Variants in GSR observed in about 807,000 individuals in gnomAD.
The protein encoded by GSR is glutathione reductase, mitochondrial.
Under a neutral mutation model 56.5 loss-of-function variants are expected in GSR, and 48 were observed. The ratio of observed to expected loss-of-function variants is 0.85; its 90% CI spans 0.67 to 1.08. The LOEUF (loss-of-function observed/expected upper bound fraction) is 1.08, where lower values mean the gene tolerates loss of function less well. Among genes scored for constraint, GSR ranks in the 50% least tolerant of loss-of-function variants. GSR has a pLI of 0.00. For missense variants in GSR, 694 were observed against 703.3 expected (o/e 0.99, Z 0.15); for synonymous variants, 264 against 270.8 (o/e 0.97, Z 0.25).
intron 12 of GSR, 94 bp from the exon 13 acceptor site, chr8:30,679,763 T>C (rs1396522058): frequency 8.7e-7 from 1 of 1,149,706 alleles, no homozygotes; most frequent in Non-Finnish European, 1.3e-6. Flanking sequence ...TGGAGTGCAA[T>C]GGCATGATCT....
At position 30,702,342 on chromosome 8, in the gene GSR, A is replaced by AATAT. The variant is rs565385364; in HGVS notation, c.640+750_640+751insATAT. 9.1e-4 allele frequency among the ~76,000 whole-genome samples: 139 copies of AATAT among 152,036 alleles called. 4 individuals are homozygous for AATAT. The South Asian group carries it at 0.028, about 31-fold the overall frequency. ...CTCTAAATAAATAAATAAATAAATA[A>AATAT]ATAATAAAATAAAATGCAAAAGAAG... On this transcript the variant is annotated intron_variant, in intron 5 of 12. Coordinates refer to ENST00000221130, the MANE Select transcript of GSR (RefSeq NM_000637.5).
intron 1 of GSR, among the ~76,000 whole-genome samples, chr8:30,725,836 T>C (rs1804704281): frequency 1.4e-5 from 2 of 144,300 alleles, no homozygotes; most frequent in Non-Finnish European, 3.0e-5. Flanking sequence ...GAGCCCAGAT[T>C]GCACCACTGT....
intron 1 of GSR, among the ~76,000 whole-genome samples, chr8:30,723,186 T>A (rs1168004356): frequency 6.6e-6 from 1 of 152,094 alleles, no homozygotes; most frequent in Non-Finnish European, 1.5e-5. Context: ...GACTCTCCCA[T>A]CACGTGTGTA....
intron 12 of GSR, among the ~76,000 whole-genome samples, chr8:30,680,033 A>T (rs562069957): frequency 6.6e-6 from 1 of 152,074 alleles, no homozygotes; most frequent in South Asian, 2.1e-4. Context: ...GAACTTATAA[A>T]GAGCCTCTGG....
chr8:30,697,281 G>A (rs1052824849), intron 6 of GSR, among the ~76,000 whole-genome samples: 10 of 152,044 alleles, frequency 6.6e-5, no homozygotes, highest in Non-Finnish European at 1.3e-4. Flanking sequence ...AGGTGCAGTG[G>A]TGTGTGCCTG....
intron 10 of GSR, 43 bp downstream of exon 10, chr8:30,684,045 T>G: frequency 5.1e-6 from 5 of 988,696 alleles, no homozygotes; most frequent in Non-Finnish European, 4.9e-6. Flanking sequence ...ATGGATCATG[T>G]AACACGCAGA....
intron 1 of GSR, 111 bp downstream of exon 1, chr8:30,727,419 A>T: frequency 9.3e-7 from 1 of 1,078,236 alleles, no homozygotes; most frequent in Non-Finnish European, 1.3e-6. Context: ...GGTGGAAAAG[A>T]GGAAAGCCCA....
chr8:30,725,536 G>A (rs1266842912), intron 1 of GSR, among the ~76,000 whole-genome samples: 1 of 151,286 alleles, frequency 6.6e-6, no homozygotes, highest in African/African-American at 2.4e-5. Flanking sequence ...CTCCAGCCTG[G>A]GTGACAGAGC....
chr8:30,726,890 C>T (rs1321281795), intron 1 of GSR: 1 of 152,208 alleles, frequency 6.6e-6, no homozygotes. Flanking sequence ...TCTGAGAACT[C>T]ACCTACTCAA....
chr8:30,685,823 A>G (rs754758071), intron 9 of GSR, among the ~76,000 whole-genome samples: 1 of 151,896 alleles, frequency 6.6e-6, no homozygotes, highest in African/African-American at 2.4e-5. Context: ...TAAAAATACT[A>G]AAAATTCGCC....
intron 5 of GSR, 136 bp downstream of exon 5, chr8:30,702,957 T>G: frequency 2.2e-6 from 2 of 899,644 alleles, no homozygotes; most frequent in Non-Finnish European, 3.7e-6. Context: ...TGGAGTTAGG[T>G]TCTGCAGAGA....
Position 30,679,261 on chromosome 8 carries a change from G to T in GSR, c.*259C>A. 2.1e-6 allele frequency: 1 copy of T among 475,572 alleles called. No homozygotes were observed. Among genetic ancestry groups the T allele is most frequent in the Non-Finnish European group, 3.7e-6 (1 of 266,858 alleles). 29.5% of individuals were successfully genotyped at this position (475,572 alleles called of 1,614,324 possible). On this transcript the variant is annotated 3_prime_UTR_variant, in exon 13 of 13. Transcript: ENST00000221130. The stretch of plus-strand genomic sequence containing the variant: ...AGGCTAAAACAGAAAAAAAAAACTA[G>T]CACAGAGCTGTTAATAAAAAAAAAA...
Position 30,703,097 on chromosome 8 carries a change from G to T in GSR, c.636C>A (p.Ile212=), listed in dbSNP as rs1015098073. Reference sequence around the variant, plus strand: ...AGTACCTGTTGTATGACTCACCGGGGATCTGGCTCTCATGAGGGGTGGAGG... The same window carrying T: ...AGTACCTGTTGTATGACTCACCGGGTATCTGGCTCTCATGAGGGGTGGAGG... ...GMPSTPHESQ[I]PGASLGITSD... is the part of the protein sequence containing the mutation. Residue 212 remains isoleucine (I), a synonymous_variant, in exon 5 of 13, where the codon ATC becomes ATA. Coordinates refer to ENST00000221130, the MANE Select transcript of GSR (RefSeq NM_000637.5). 14 of 1,613,918 alleles carry T rather than the reference G, an allele frequency of 8.7e-6. No homozygotes were observed. Among genetic ancestry groups the T allele is most frequent in the Non-Finnish European group, 1.1e-5 (13 of 1,179,938 alleles).
At chr8:30,717,288 A>G (rs1271856064) in intron 1 of GSR, among the ~76,000 whole-genome samples, 1 of 151,914 alleles carries the variant, frequency 6.6e-6, no homozygotes, top group Non-Finnish European at 1.5e-5. Context: ...GGGTCTTACT[A>G]TGTTGCGCAG....
chr8:30,712,290 C>T (rs1248461020), intron 1 of GSR, among the ~76,000 whole-genome samples: 1 of 152,128 alleles, frequency 6.6e-6, no homozygotes, highest in Admixed American at 6.6e-5. Context: ...GAAGTTCATT[C>T]ATCAGCATTT....
intron 5 of GSR, among the ~76,000 whole-genome samples, chr8:30,701,209 T>C (rs907817260): frequency 1.3e-5 from 2 of 152,134 alleles, no homozygotes; most frequent in Non-Finnish European, 2.9e-5. Flanking sequence ...CTCACACCTA[T>C]AATCCCAGCA....
intron 6 of GSR, among the ~76,000 whole-genome samples, 155 bp from the exon 7 acceptor site, chr8:30,696,634 CT>C (rs1212970250): frequency 6.6e-6 from 1 of 152,126 alleles, no homozygotes; most frequent in Non-Finnish European, 1.5e-5. Context: ...ATTAGGATAC[CT>C]TTGTCAAAAT....
At chr8:30,713,466 C>T (rs1804222585) in intron 1 of GSR, among the ~76,000 whole-genome samples, 1 of 152,040 alleles carries the variant, frequency 6.6e-6, no homozygotes, top group African/African-American at 2.4e-5. Flanking sequence ...TCAAGCAATT[C>T]TCATGCCTCA....
At chr8:30,727,499 C>G in intron 1 of GSR, 31 bp downstream of exon 1, 1 of 1,524,990 alleles carries the variant, frequency 6.6e-7, no homozygotes, top group Non-Finnish European at 8.8e-7. Flanking sequence ...CAAAGAGGCG[C>G]CCCCCGCCCG....
Sources: allele counts gnomAD v4.1 joint callset (sites outside exome capture counted in the v4.1 genomes callset), GRCh38; gene constraint gnomAD v4.1.1; transcripts MANE v1.5; gene names NCBI Gene and HGNC (gene_info 2026-07-23, HGNC 2026-07-21).